SP140: variants seen among roughly 807,000 people sequenced by gnomAD.
SP140 encodes the protein SP140 nuclear body protein, also known as nuclear body protein SP140.
A neutral mutation model predicts 125.0 loss-of-function variants in SP140; 81 were observed. The observed-to-expected ratio is 0.65, with a 90% confidence interval of 0.54 to 0.78. SP140 has a LOEUF of 0.78. Ranked by LOEUF, SP140 falls within the 30% of genes least tolerant of loss-of-function variation. The pLI is 0.00. For synonymous variants in SP140, 312 were observed against 354.0 expected, an observed-to-expected ratio of 0.88 and a Z score of 1.33; for missense variants, 858 against 1,037.0, an observed-to-expected ratio of 0.83 and a Z score of 2.37.
At chr2:230,203,864 A>G (rs1005393058) in intron 1 of SP140, among the ~76,000 whole-genome samples, 3 of 152,180 alleles carry the variant, frequency 2.0e-5, no homozygotes, top group African/African-American at 7.2e-5. Context: ...GAGTTGTTTA[A>G]TGGGTACAGG....
upstream of SP140, chr2:230,202,675 C>T: frequency 2.5e-6 from 4 of 1,614,120 alleles, no homozygotes; most frequent in Non-Finnish European, 3.4e-6. Context: ...TTTTGAGGAA[C>T]CTGATCCACC....
chr2:230,291,581 A>G (rs1033534771), intron 19 of SP140, among the ~76,000 whole-genome samples: 1 of 152,226 alleles, frequency 6.6e-6, no homozygotes, highest in Non-Finnish European at 1.5e-5. Flanking sequence ...TTCATCCACA[A>G]TGAATGTATT....
At chr2:230,202,937 G>A, upstream of SP140, 1 of 599,360 alleles carries the variant, frequency 1.7e-6, no homozygotes, top group Non-Finnish European at 3.0e-6. Flanking sequence ...ATTACCATCT[G>A]CTTTCACTCC....
chr2:230,197,885 C>A, the SP140 span, among the ~76,000 whole-genome samples: 1 of 152,154 alleles, frequency 6.6e-6, no homozygotes, highest in African/African-American at 2.4e-5. Context: ...CTCCTGGGCT[C>A]AAGCAATTCT....
rs1243333495 is a variant in SP140, at chr2:230,251,022, C to A, written c.1018C>A (p.Pro340Thr). The A allele has an allele frequency of 6.2e-7, 1 of 1,613,748 alleles. No homozygotes were observed. The highest frequency in any genetic ancestry group is 8.5e-7 in the Non-Finnish European group (1 of 1,179,802). Residue 340 changes from proline (P) to threonine (T), a missense_variant, in exon 10 of 27, where the codon CCC becomes ACC. Coordinates refer to ENST00000392045, the MANE Select transcript of SP140 (RefSeq NM_007237.5). ...DCSEMCDGEE[P>T]QEASSSLARC... ...TTCAGAAATGTGTGATGGAGAAGAG[C>A]CCCAGGAAGCCTCTAGCTCCCTAGC...
chr2:230,307,022 C>A (rs2058826779), intron 22 of SP140, among the ~76,000 whole-genome samples: 1 of 152,244 alleles, frequency 6.6e-6, no homozygotes, highest in South Asian at 2.1e-4. Context: ...ACTTCCTCCC[C>A]TCTGAAGCCC....
intron 1 of SP140, among the ~76,000 whole-genome samples, chr2:230,234,529 T>A (rs939041848): frequency 1.8e-4 from 28 of 152,332 alleles, no homozygotes; most frequent in Admixed American, 6.5e-4. Context: ...CCATTTTAAT[T>A]TTTTTGGACC....
upstream of SP140, among the ~76,000 whole-genome samples, chr2:230,199,311 C>T (rs1373429057): frequency 2.9e-5 from 4 of 140,074 alleles, no homozygotes; most frequent in Admixed American, 2.2e-4. Context: ...TGGGTTCAAG[C>T]GATTCTCCTT....
chr2:230,198,929 G>A (rs578117813), upstream of SP140, among the ~76,000 whole-genome samples: 2 of 152,042 alleles, frequency 1.3e-5, no homozygotes, highest in Non-Finnish European at 2.9e-5. Flanking sequence ...AGTGGAGGAG[G>A]TGTGCCCTTC....
At position 230,207,981 on chromosome 2, in the gene SP140, C is replaced by T; in HGVS notation, c.-323+4702C>T. On this transcript the variant is annotated intron_variant, in intron 1 of 4. Coordinates refer to the SP140 transcript ENST00000456542. ...CCAGCCTCCAGCTTCCTCTTGTACT[C>T]TCATCTTACCTCCTGGGAGGCTTTT... 2 of 1,420,882 alleles carry T rather than the reference C, an allele frequency of 1.4e-6. No individual in the cohort carries two copies. The highest frequency in any genetic ancestry group is 2.0e-6 in the Non-Finnish European group (2 of 1,009,512). The allele number at this position is 1,420,882 out of a possible 1,614,324, so 88.0% of individuals were successfully genotyped here. A position where few individuals can be genotyped will look rare whatever the true frequency, so the allele number is the denominator to read the frequency against.
the SP140 span, among the ~76,000 whole-genome samples, chr2:230,197,493 T>G: frequency 1.3e-5 from 2 of 148,694 alleles, no homozygotes; most frequent in South Asian, 2.1e-4. Flanking sequence ...TTTTGTAGGT[T>G]GCCTGTTCAC....
intron 9 of SP140, 38 bp downstream of exon 9, chr2:230,249,006 C>G: frequency 6.6e-7 from 1 of 1,525,674 alleles, no homozygotes; most frequent in East Asian, 2.3e-5. Context: ...TTGAGTACAT[C>G]TTTGTTTTCT....
chr2:230,193,905 C>T, the SP140 span, among the ~76,000 whole-genome samples: 3 of 152,034 alleles, frequency 2.0e-5, no homozygotes, highest in African/African-American at 4.8e-5. Flanking sequence ...TTATAAATTC[C>T]AAAAATTACC....
At chr2:230,247,469 T>C (rs775529164) in intron 7 of SP140, among the ~76,000 whole-genome samples, 8 of 152,236 alleles carry the variant, frequency 5.3e-5, no homozygotes, top group Non-Finnish European at 7.4e-5. Flanking sequence ...ACCTGTCCAT[T>C]TCCTTCCACC....
At chr2:230,268,250 G>C (rs920742064) in intron 12 of SP140, among the ~76,000 whole-genome samples, 1 of 152,136 alleles carries the variant, frequency 6.6e-6, no homozygotes, top group Non-Finnish European at 1.5e-5. Flanking sequence ...GAGGCCGGGT[G>C]TGGTGGCTCA....
upstream of SP140, chr2:230,221,710 GCC>G: frequency 6.5e-7 from 1 of 1,536,040 alleles, no homozygotes; most frequent in Middle Eastern, 1.7e-4. Flanking sequence ...CTTACCTGAA[GCC>G]CCTCCCCATC....
intron 3 of SP140, among the ~76,000 whole-genome samples, chr2:230,241,081 G>C (rs2048658340): frequency 6.6e-6 from 1 of 152,168 alleles, no homozygotes; most frequent in African/African-American, 2.4e-5. Context: ...ATTTATATAA[G>C]TACAAGTACA....
Position 230,242,876 on chromosome 2 carries a change from C to A in SP140, c.491-855C>A, listed in dbSNP as rs75526109. On this transcript the variant is annotated intron_variant, in intron 4 of 26. Transcript: ENST00000392045. ...TCCATCACCCTCATGATTCTCAGGG[C>A]AACATCCTTTGCTCATCTCCTCCCT... Among the ~76,000 whole-genome samples the A allele has an allele frequency of 7.1e-3, 1,078 of 152,268 alleles. 12 individuals are homozygous for A. The highest frequency in any genetic ancestry group is 0.024 in the African/African-American group (1,003 of 41,548).
chr2:230,313,692 G>A (rs2059458966), downstream of SP140, among the ~76,000 whole-genome samples: 1 of 152,214 alleles, frequency 6.6e-6, no homozygotes, highest in Admixed American at 6.5e-5. Flanking sequence ...AATGGCCCCA[G>A]GAAGCGAGCT....
Sources: gnomAD v4.1 joint callset for allele counts (sites outside exome capture counted in the v4.1 genomes callset) on GRCh38, gnomAD v4.1.1 for gene constraint, MANE v1.5 for transcripts, NCBI Gene and HGNC (gene_info 2026-07-23, HGNC 2026-07-21) for gene names.